TOM1L1: variants seen among roughly 807,000 people sequenced by gnomAD.
The protein encoded by TOM1L1 is TOM1-like protein 1.
A neutral mutation model predicts 63.4 loss-of-function variants in TOM1L1; 64 were observed. The ratio of observed to expected loss-of-function variants is 1.01; its 90% CI spans 0.83 to 1.24. TOM1L1 has a LOEUF of 1.24. Ranked by LOEUF, TOM1L1 falls within the 50% of genes most tolerant of loss-of-function variation. The pLI, the probability that TOM1L1 is intolerant of heterozygous loss-of-function variation, is 0.00. For synonymous variants in TOM1L1, 166 were observed against 194.4 expected (o/e 0.85, Z 1.22); for missense variants, 536 against 567.0 (o/e 0.95, Z 0.55).
chr17:54,924,943 G>A (rs1207321109), intron 7 of TOM1L1, among the ~76,000 whole-genome samples: 3 of 152,068 alleles, frequency 2.0e-5, no homozygotes, highest in African/African-American at 4.8e-5. Context: ...TATCACATAC[G>A]GTATATTCTA....
intron 12 of TOM1L1, among the ~76,000 whole-genome samples, chr17:54,947,607 T>C (rs1465635034): frequency 2.0e-5 from 3 of 152,162 alleles, no homozygotes; most frequent in Non-Finnish European, 2.9e-5. Flanking sequence ...AGTTCCATAG[T>C]CCCTCATTTT....
At chr17:54,942,835 C>T (rs1048113012) in intron 11 of TOM1L1, among the ~76,000 whole-genome samples, 7 of 152,142 alleles carry the variant, frequency 4.6e-5, no homozygotes, top group Non-Finnish European at 7.3e-5. Flanking sequence ...TATAGTCACA[C>T]CCTTGTACCC....
At position 54,961,373 on chromosome 17, in the gene TOM1L1, G is replaced by T. The variant is rs1434705240; in HGVS notation, c.*140G>T. 6.5e-7 allele frequency: 1 copy of T among 1,550,182 alleles called. No homozygotes were observed. The highest frequency in any genetic ancestry group is 2.4e-5 in the East Asian group (1 of 40,902). ...GGTGGCACATTTCTGCTATAATGAA[G>T]ATTAAATAGAATAACAGTTCCAGGA... On this transcript the variant is annotated 3_prime_UTR_variant, in exon 16 of 16. Coordinates refer to ENST00000575882, the MANE Select transcript of TOM1L1 (RefSeq NM_005486.3).
intron 1 of TOM1L1, among the ~76,000 whole-genome samples, chr17:54,903,334 T>G (rs2048357925): frequency 6.6e-6 from 1 of 152,244 alleles, no homozygotes; most frequent in Admixed American, 6.5e-5. Context: ...CACAGTGGGT[T>G]AAATGAAATT....
At chr17:54,902,612 T>C (rs989906472) in intron 1 of TOM1L1, among the ~76,000 whole-genome samples, 3 of 152,186 alleles carry the variant, frequency 2.0e-5, no homozygotes, top group African/African-American at 7.2e-5. Flanking sequence ...TTTTCCTGGA[T>C]TGAAAGCAAG....
rs544602385 is a variant in TOM1L1, at chr17:54,947,304, T to G, written c.1174T>G (p.Tyr392Asp). The G allele has an allele frequency of 9.9e-6, 16 of 1,614,190 alleles. No homozygotes were observed. Among genetic ancestry groups the G allele is most frequent in the East Asian group, 8.9e-5 (4 of 44,882 alleles). ...TSQNLTSSHA[Y>D]DNFLEHSNSV... Reference sequence around the variant, plus strand: ...CCAAAACCTCACCTCAAGCCACGCATATGATAATGTAAGTAACAAAACTCT... The same window carrying G: ...CCAAAACCTCACCTCAAGCCACGCAGATGATAATGTAAGTAACAAAACTCT... The change falls in exon 12 of 16, where the codon TAT becomes GAT. Residue 392 changes from tyrosine (Y) to aspartate (D), a missense_variant. By Grantham distance (160) the Tyr-to-Asp change is radical (BLOSUM62 -3). Transcript: ENST00000575882.
At chr17:54,953,888 T>TC (rs1461974910) in intron 14 of TOM1L1, 1 of 152,204 alleles carries the variant, frequency 6.6e-6, no homozygotes, top group Non-Finnish European at 1.5e-5. Context: ...TTTTGGGTCA[T>TC]CTGGGTCCCA....
chr17:54,942,714 T>C (rs1315176665), intron 11 of TOM1L1, among the ~76,000 whole-genome samples: 1 of 152,214 alleles, frequency 6.6e-6, no homozygotes, highest in African/African-American at 2.4e-5. Flanking sequence ...TTTGTTTTGG[T>C]TTGGTGTACA....
At chr17:54,958,888 G>A (rs1598091420) in intron 14 of TOM1L1, among the ~76,000 whole-genome samples, 1 of 152,286 alleles carries the variant, frequency 6.6e-6, no homozygotes, top group African/African-American at 2.4e-5. Context: ...TGGCATAGAA[G>A]GAGAGGTTGA....
At chr17:54,946,310 T>G (rs2049117918) in intron 11 of TOM1L1, among the ~76,000 whole-genome samples, 1 of 152,160 alleles carries the variant, frequency 6.6e-6, no homozygotes, top group East Asian at 1.9e-4. Flanking sequence ...CATCGTGATT[T>G]ATCTGGTACT....
chr17:54,918,807 A>G (rs2048633775), intron 7 of TOM1L1, among the ~76,000 whole-genome samples: 1 of 152,240 alleles, frequency 6.6e-6, no homozygotes. Flanking sequence ...GGAGATGCAT[A>G]AAGTTCACTG....
chr17:54,927,007 A>G (rs2048780143), intron 7 of TOM1L1, among the ~76,000 whole-genome samples: 1 of 152,222 alleles, frequency 6.6e-6, no homozygotes, highest in Non-Finnish European at 1.5e-5. Context: ...CTATTTGCAG[A>G]CACTGTTTTG....
chr17:54,928,960 T>C (rs2048812195), intron 7 of TOM1L1, among the ~76,000 whole-genome samples: 1 of 152,216 alleles, frequency 6.6e-6, no homozygotes. Flanking sequence ...AGTCTTGTAA[T>C]AGATTGTTTG....
At chr17:54,938,248 C>A (rs963012875) in intron 10 of TOM1L1, among the ~76,000 whole-genome samples, 6 of 152,144 alleles carry the variant, frequency 3.9e-5, no homozygotes, top group Non-Finnish European at 7.4e-5. Flanking sequence ...AATCCCAGCA[C>A]TTTGGGAGGC....
intron 7 of TOM1L1, among the ~76,000 whole-genome samples, chr17:54,923,839 G>T (rs1298262201): frequency 6.6e-6 from 1 of 151,930 alleles, no homozygotes; most frequent in Non-Finnish European, 1.5e-5. Flanking sequence ...AAGGTAATTA[G>T]CCAGGCATGG....
At chr17:54,942,108 T>C (rs1353393715) in intron 11 of TOM1L1, among the ~76,000 whole-genome samples, 1 of 152,150 alleles carries the variant, frequency 6.6e-6, no homozygotes, top group Non-Finnish European at 1.5e-5. Flanking sequence ...TAGGTCATTT[T>C]TTTTTTGAGA....
chr17:54,954,275 A>G (rs943063856), intron 14 of TOM1L1: 23 of 152,310 alleles, frequency 1.5e-4, no homozygotes, highest in African/African-American at 5.5e-4. Flanking sequence ...TCTCCATATG[A>G]GAGTTACGAA....
chr17:54,938,961 A>C lies in TOM1L1; in HGVS notation c.1071A>C (p.Leu357Phe). 6.2e-7 allele frequency: 1 copy of C among 1,612,608 alleles called. No homozygotes were observed. The highest frequency in any genetic ancestry group is 8.5e-7 in the Non-Finnish European group (1 of 1,179,290). The change falls in exon 11 of 16, where the codon TTA becomes TTC. Residue 357 changes from leucine (L) to phenylalanine (F), a missense_variant. Coordinates refer to ENST00000575882, the MANE Select transcript of TOM1L1 (RefSeq NM_005486.3). The stretch of plus-strand genomic sequence containing the variant: ...CAAGTTCTGATGTAACAAACAACTT[A>C]AAACCCAGTCTTCATCCACAGATGA... ...SLPSSDVTNN[L>F]KPSLHPQMNL...
intron 9 of TOM1L1, 55 bp downstream of exon 9, chr17:54,936,764 TG>T: frequency 1.3e-6 from 2 of 1,492,752 alleles, no homozygotes; most frequent in Non-Finnish European, 1.8e-6. Flanking sequence ...CCAATTACAG[TG>T]AGAAGCAAGG....
Sources: allele counts gnomAD v4.1 joint callset (sites outside exome capture counted in the v4.1 genomes callset), GRCh38; gene constraint gnomAD v4.1.1; transcripts MANE v1.5; gene names NCBI Gene and HGNC (gene_info 2026-07-23, HGNC 2026-07-21).